Variants in DIAPH3 observed in about 807,000 individuals in gnomAD.
DIAPH3 encodes the protein diaphanous related formin 3.
In DIAPH3, 117 loss-of-function variants were observed where a neutral mutation model predicts 144.3. That is an observed-to-expected ratio of 0.81 (90% CI 0.70 to 0.95). The LOEUF (loss-of-function observed/expected upper bound fraction) is 0.95, where lower values mean the gene tolerates loss of function less well. Among genes scored for constraint, DIAPH3 ranks in the 40% least tolerant of loss-of-function variants. The pLI is 0.00. For synonymous variants in DIAPH3, 519 were observed against 488.9 expected (o/e 1.06, Z -0.81); for missense variants, 1,421 against 1,412.7 (o/e 1.01, Z -0.09).
intron 4 of DIAPH3, among the ~76,000 whole-genome samples, chr13:60,045,424 A>C (rs577332782): frequency 6.6e-6 from 1 of 152,246 alleles, no homozygotes; most frequent in East Asian, 1.9e-4. Flanking sequence ...CTAATACAAT[A>C]CACTTTACTT....
intron 17 of DIAPH3, among the ~76,000 whole-genome samples, chr13:59,937,844 ATGCT>A (rs1639664681): frequency 6.6e-6 from 1 of 152,038 alleles, no homozygotes. Context: ...AAGAAAGAAA[ATGCT>A]TTATTGTGTG....
At chr13:59,963,544 T>G (rs2049883084) in intron 17 of DIAPH3, among the ~76,000 whole-genome samples, 1 of 151,988 alleles carries the variant, frequency 6.6e-6, no homozygotes, top group Non-Finnish European at 1.5e-5. Context: ...CTTGACCCTA[T>G]TCTCTTCCTG....
At chr13:59,673,547 G>GTAAC in intron 27 of DIAPH3, among the ~76,000 whole-genome samples, 1 of 152,250 alleles carries the variant, frequency 6.6e-6, no homozygotes, top group East Asian at 1.9e-4. Flanking sequence ...TGCTAATGAG[G>GTAAC]TAACTCATGG....
intron 4 of DIAPH3, among the ~76,000 whole-genome samples, chr13:60,049,362 T>C (rs969658510): frequency 1.3e-5 from 2 of 152,206 alleles, no homozygotes; most frequent in African/African-American, 4.8e-5. Context: ...AAAGACAGAC[T>C]AAATCCACTA....
chr13:59,769,033 G>A lies in DIAPH3; in HGVS notation c.3319+5156C>T, dbSNP rs573989435. 3.9e-5 allele frequency among the ~76,000 whole-genome samples: 6 copies of A among 152,030 alleles called. No homozygotes were observed. The East Asian group carries it at 1.2e-3, about 29-fold the overall frequency. On this transcript the variant is annotated intron_variant, in intron 27 of 27. Coordinates refer to ENST00000400324, the MANE Select transcript of DIAPH3 (RefSeq NM_001042517.2). ...CTGATTACTCTCTATCCATTTAACT[G>A]GAAAAAAAATCCCACTGTACCACTT...
At chr13:59,729,936 T>G (rs2035816745) in intron 27 of DIAPH3, among the ~76,000 whole-genome samples, 1 of 150,682 alleles carries the variant, frequency 6.6e-6, no homozygotes, top group Non-Finnish European at 1.5e-5. Context: ...TTCAGCAAAT[T>G]GAAATTTATA....
At chr13:59,770,209 C>A (rs1467919926) in intron 27 of DIAPH3, among the ~76,000 whole-genome samples, 1 of 152,138 alleles carries the variant, frequency 6.6e-6, no homozygotes, top group East Asian at 1.9e-4. Flanking sequence ...ACAGCTGGAA[C>A]TTTAGCAACT....
chr13:59,925,629 T>C (rs2047716230), intron 17 of DIAPH3, among the ~76,000 whole-genome samples: 1 of 152,154 alleles, frequency 6.6e-6, no homozygotes, highest in African/African-American at 2.4e-5. Context: ...AAGGAATTGG[T>C]GTTAGTTCTT....
chr13:59,772,896 C>T (rs557014817), intron 27 of DIAPH3, among the ~76,000 whole-genome samples: 1 of 152,148 alleles, frequency 6.6e-6, no homozygotes, highest in South Asian at 2.1e-4. Context: ...GAACCATATT[C>T]TTGTCACAGC....
chr13:59,852,597 CTA>C (rs1373599054), intron 22 of DIAPH3, among the ~76,000 whole-genome samples: 1 of 152,206 alleles, frequency 6.6e-6, no homozygotes, highest in Non-Finnish European at 1.5e-5. Context: ...ATTCCATTCC[CTA>C]TGTTAGTATG....
chr13:60,006,267 A>G (rs1393748223), intron 9 of DIAPH3, among the ~76,000 whole-genome samples: 2 of 152,176 alleles, frequency 1.3e-5, no homozygotes, highest in African/African-American at 2.4e-5. Context: ...TGAGGAGATC[A>G]TGTCATTTAC....
intron 21 of DIAPH3, among the ~76,000 whole-genome samples, chr13:59,869,307 CTATTA>C (rs2044116829): frequency 6.6e-6 from 1 of 152,160 alleles, no homozygotes; most frequent in Non-Finnish European, 1.5e-5. Context: ...CTGCTGCTGA[CTATTA>C]TAGGGACAGA....
At chr13:60,044,442 G>A (rs942564023) in intron 4 of DIAPH3, 1 of 152,012 alleles carries the variant, frequency 6.6e-6, no homozygotes, top group African/African-American at 2.4e-5. Flanking sequence ...AAATAAAAGG[G>A]GAAATGGTGA....
chr13:59,740,649 T>C (rs1468564048), intron 27 of DIAPH3, among the ~76,000 whole-genome samples: 3 of 152,188 alleles, frequency 2.0e-5, no homozygotes, highest in African/African-American at 7.2e-5. Context: ...TTAACTTAGG[T>C]ATCCTGAGAA....
At chr13:59,691,553 G>C (rs2033524634) in intron 27 of DIAPH3, among the ~76,000 whole-genome samples, 1 of 152,070 alleles carries the variant, frequency 6.6e-6, no homozygotes, top group African/African-American at 2.4e-5. Flanking sequence ...TTGACCACAA[G>C]AAAAGGTCTC....
chr13:60,031,095 G>T (rs1043418763), intron 5 of DIAPH3, among the ~76,000 whole-genome samples: 3 of 152,196 alleles, frequency 2.0e-5, no homozygotes, highest in Admixed American at 6.5e-5. Flanking sequence ...AGTTCTGCAG[G>T]TTGTACAGGA....
At chr13:59,901,435 C>A (rs2046424915) in intron 20 of DIAPH3, among the ~76,000 whole-genome samples, 1 of 152,174 alleles carries the variant, frequency 6.6e-6, no homozygotes, top group African/African-American at 2.4e-5. Flanking sequence ...TAAAGTCACT[C>A]CGGCTTCTGC....
intron 1 of DIAPH3, among the ~76,000 whole-genome samples, chr13:60,159,264 G>GCATTAA (rs1308020916): frequency 5.3e-5 from 8 of 152,130 alleles, no homozygotes; most frequent in African/African-American, 1.9e-4. Context: ...GTTCCTGGAT[G>GCATTAA]AGAAAAGAAG....
At chr13:60,095,079 G>A (rs569963583) in intron 3 of DIAPH3, among the ~76,000 whole-genome samples, 2 of 152,204 alleles carry the variant, frequency 1.3e-5, no homozygotes, top group Admixed American at 6.5e-5. Context: ...AGCATTTACA[G>A]GGGGTAGCAT....
Sources: allele counts gnomAD v4.1 joint callset (sites outside exome capture counted in the v4.1 genomes callset), GRCh38; gene constraint gnomAD v4.1.1; transcripts MANE v1.5; gene names NCBI Gene and HGNC (gene_info 2026-07-23, HGNC 2026-07-21).